Variants in GPATCH8 observed in about 807,000 individuals in gnomAD.
GPATCH8 encodes the protein G-patch domain containing 8.
Under a neutral mutation model 118.3 loss-of-function variants are expected in GPATCH8, and 18 were observed. That is an observed-to-expected ratio of 0.15 (90% CI 0.11 to 0.23). The LOEUF (loss-of-function observed/expected upper bound fraction) is 0.23, where lower values mean the gene tolerates loss of function less well. GPATCH8 is among the 10% of genes least tolerant of loss of function. The probability of loss-of-function intolerance (pLI) is 1.00; values close to 1 mark genes in which losing one functional copy is unlikely to be tolerated. For missense variants in GPATCH8, 1,631 were observed against 1,873.8 expected, an observed-to-expected ratio of 0.87 and a Z score of 2.39; for synonymous variants, 659 against 684.7, an observed-to-expected ratio of 0.96 and a Z score of 0.59.
At chr17:44,494,827 G>A (rs890560373) in intron 1 of GPATCH8, among the ~76,000 whole-genome samples, 4 of 152,164 alleles carry the variant, frequency 2.6e-5, no homozygotes, top group African/African-American at 4.8e-5. Context: ...GTGCATGCCT[G>A]CTTACAGCAT....
At chr17:44,411,443 A>T (rs1298812573) in intron 6 of GPATCH8, among the ~76,000 whole-genome samples, 2 of 152,202 alleles carry the variant, frequency 1.3e-5, no homozygotes, top group African/African-American at 4.8e-5. Flanking sequence ...CTAGGAGTTT[A>T]TATTTGATGG....
At chr17:44,444,939 ATACT>A (rs1339115382) in intron 3 of GPATCH8, among the ~76,000 whole-genome samples, 1 of 152,204 alleles carries the variant, frequency 6.6e-6, no homozygotes, top group Non-Finnish European at 1.5e-5. Flanking sequence ...TCAACTGTAA[ATACT>A]TAGTCATCAT....
intron 6 of GPATCH8, 132 bp from the exon 7 acceptor site, chr17:44,406,183 C>A: frequency 1.4e-6 from 1 of 713,024 alleles, no homozygotes; most frequent in Non-Finnish European, 2.5e-6. Flanking sequence ...ATCATATTCT[C>A]TTATGGCAAT....
At chr17:44,466,435 C>T (rs969121579) in intron 2 of GPATCH8, among the ~76,000 whole-genome samples, 1 of 152,076 alleles carries the variant, frequency 6.6e-6, no homozygotes, top group African/African-American at 2.4e-5. Flanking sequence ...TTGCTCTATA[C>T]CATTTGAAAG....
chr17:44,425,686 A>G (rs2050066237), intron 5 of GPATCH8, among the ~76,000 whole-genome samples: 1 of 151,996 alleles, frequency 6.6e-6, no homozygotes, highest in South Asian at 2.1e-4. Flanking sequence ...GTACCAGCAA[A>G]CCTAGCTAAC....
At chr17:44,428,431 T>G (rs1025126957) in intron 5 of GPATCH8, among the ~76,000 whole-genome samples, 3 of 151,452 alleles carry the variant, frequency 2.0e-5, no homozygotes, top group African/African-American at 7.3e-5. Context: ...TGGTGGAGGT[T>G]GCAATAAGCT....
chr17:44,435,213 A>G (rs985331870), intron 4 of GPATCH8, 62 bp from the exon 5 acceptor site: 1 of 826,972 alleles, frequency 1.2e-6, no homozygotes, highest in Non-Finnish European at 2.1e-6. Flanking sequence ...TAGCTATGAA[A>G]AAGTTATTTG....
chr17:44,454,797 A>G (rs2051264538), intron 3 of GPATCH8, among the ~76,000 whole-genome samples: 1 of 152,138 alleles, frequency 6.6e-6, no homozygotes, highest in Non-Finnish European at 1.5e-5. Context: ...CTTGTTTATT[A>G]CCTGGGCCTC....
chr17:44,455,128 T>G (rs112783347), intron 3 of GPATCH8, among the ~76,000 whole-genome samples: 5,799 of 152,308 alleles, frequency 0.038, 166 homozygotes, highest in Non-Finnish European at 0.062. Flanking sequence ...GGAAAAGGTA[T>G]AAATATTGAT....
At chr17:44,422,040 C>T (rs114034312) in intron 6 of GPATCH8, among the ~76,000 whole-genome samples, 246 of 152,116 alleles carry the variant, frequency 1.6e-3, no homozygotes, top group African/African-American at 5.8e-3. Flanking sequence ...TTTCTAATGC[C>T]ATTTTTCCAC....
At chr17:44,417,339 C>T (rs2049723917) in intron 6 of GPATCH8, among the ~76,000 whole-genome samples, 1 of 152,180 alleles carries the variant, frequency 6.6e-6, no homozygotes, top group Non-Finnish European at 1.5e-5. Context: ...CTCAGCCCCT[C>T]TAGCAGCTGG....
intron 1 of GPATCH8, among the ~76,000 whole-genome samples, chr17:44,489,350 GTTT>G: frequency 7.1e-6 from 1 of 140,446 alleles, no homozygotes; most frequent in South Asian, 2.3e-4. Flanking sequence ...CCTCTTTTTT[GTTT>G]TTTTTTTTTG....
intron 1 of GPATCH8, among the ~76,000 whole-genome samples, chr17:44,476,846 C>A (rs4793109): frequency 0.45 from 68,111 of 152,040 alleles, 16,777 homozygotes; most frequent in Non-Finnish European, 0.56. Context: ...TAGCTGCAGA[C>A]AACTAAGAAG....
chr17:44,407,640 T>C (rs2049279711), intron 6 of GPATCH8, among the ~76,000 whole-genome samples: 1 of 150,748 alleles, frequency 6.6e-6, no homozygotes, highest in Non-Finnish European at 1.5e-5. Context: ...GCAAAACTGT[T>C]AGTGCCCATA....
At chr17:44,448,764 AG>A (rs2051000145) in intron 3 of GPATCH8, among the ~76,000 whole-genome samples, 1 of 151,006 alleles carries the variant, frequency 6.6e-6, no homozygotes, top group African/African-American at 2.4e-5. Context: ...AATTAGGCTA[AG>A]GCTAAGACTA....
chr17:44,400,303 G>C lies in GPATCH8; in HGVS notation c.1774C>G (p.Pro592Ala), dbSNP rs140039300. The C allele has an allele frequency of 6.2e-7, 1 of 1,614,074 alleles. No homozygotes were observed. Among genetic ancestry groups the C allele is most frequent in the African/African-American group, 1.3e-5 (1 of 75,034 alleles). ...TTTGAGGAGCTTCCTATATCCTTTG[G>C]TTTTTCTGTTCCTTTAGTTCTGGCA... ...KDARTKGTEK[P>A]KDIGSSSKDH... Residue 592 changes from proline (P) to alanine (A), a missense_variant, in exon 8 of 8, where the codon CCA becomes GCA. Pro to Ala is a conservative substitution (Grantham distance 27, BLOSUM62 -1). Around this residue, in one of 8 missense-constraint regions of GPATCH8, gnomAD observed 405 missense variants for 462.7 expected, o/e 0.88. Coordinates refer to ENST00000591680, the MANE Select transcript of GPATCH8 (RefSeq NM_001002909.4).
At position 44,468,721 on chromosome 17, in the gene GPATCH8, A is replaced by T. The variant is rs181886069; in HGVS notation, c.121-4177T>A. ...ATAGAACCAAAAATAAATTACAGAAATTTTTTTCATTTTAAAAACTCTGGT... is the reference window on the plus strand; with the variant it reads ...ATAGAACCAAAAATAAATTACAGAATTTTTTTTCATTTTAAAAACTCTGGT... On this transcript the variant is annotated intron_variant, in intron 2 of 7. Coordinates refer to ENST00000591680, the MANE Select transcript of GPATCH8 (RefSeq NM_001002909.4). Among the ~76,000 whole-genome samples, 19 of 152,104 alleles carry T rather than the reference A, an allele frequency of 1.2e-4. 1 individual carries two copies. The East Asian group carries it at 2.9e-3, about 23-fold the overall frequency.
At chr17:44,483,176 A>AATATATATATATATATATATAT (rs1163758356) in intron 1 of GPATCH8, among the ~76,000 whole-genome samples, 1 of 12,954 alleles carries the variant, frequency 7.7e-5, no homozygotes, top group Non-Finnish European at 1.4e-4. Flanking sequence ...AAAAAAAAAA[A>AATATATATATATATATATATAT]ATATATATAT....
At chr17:44,456,524 G>A (rs1482109186) in intron 3 of GPATCH8, among the ~76,000 whole-genome samples, 1 of 152,068 alleles carries the variant, frequency 6.6e-6, no homozygotes, top group Non-Finnish European at 1.5e-5. Context: ...TTTTCAGCCT[G>A]TAATCCTAGC....
Sources: allele counts gnomAD v4.1 joint callset (sites outside exome capture counted in the v4.1 genomes callset), GRCh38; gene constraint gnomAD v4.1.1; regional missense constraint gnomAD v4.1.1; transcripts MANE v1.5; gene names NCBI Gene and HGNC (gene_info 2026-07-23, HGNC 2026-07-21).